FSTL5: variants seen among roughly 807,000 people sequenced by gnomAD.
FSTL5 encodes follistatin like 5, also known as follistatin-related protein 5.
A neutral mutation model predicts 89.1 loss-of-function variants in FSTL5; 62 were observed. The observed-to-expected ratio is 0.70, with a 90% CI of 0.57 to 0.86. The LOEUF is 0.86. Among genes scored for constraint, FSTL5 ranks in the 40% least tolerant of loss-of-function variants. FSTL5 has a pLI of 0.00. For missense variants in FSTL5, 1,057 were observed against 1,001.6 expected (o/e 1.06, Z -0.75); for synonymous variants, 383 against 346.2 (o/e 1.11, Z -1.18).
At chr4:161,413,263 AAAAAAAAAAAAAAAAAAAAAT>A (rs1456648669) in intron 15 of FSTL5, among the ~76,000 whole-genome samples, 1 of 26,012 alleles carries the variant, frequency 3.8e-5, no homozygotes, top group Non-Finnish European at 9.4e-5. Flanking sequence ...TCAAAAAAAA[AAAAAAAAAAAAAAAAAAAAAT>A]AAAGACACAC....
intron 15 of FSTL5, among the ~76,000 whole-genome samples, chr4:161,399,447 A>G (rs2110900397): frequency 6.6e-6 from 1 of 152,262 alleles, no homozygotes; most frequent in Admixed American, 6.5e-5. Context: ...GTACTGTACT[A>G]TATTTTTCAT....
At chr4:161,489,830 C>A (rs1729801883) in intron 12 of FSTL5, among the ~76,000 whole-genome samples, 1 of 152,068 alleles carries the variant, frequency 6.6e-6, no homozygotes. Flanking sequence ...AGATATTCAA[C>A]CTTTTCATTA....
Position 161,476,218 on chromosome 4 carries a change from G to C in FSTL5, c.1608+4802C>G, listed in dbSNP as rs1330851296. Among the ~76,000 whole-genome samples the C allele has an allele frequency of 1.4e-3, 65 of 46,120 alleles. 1 individual carries two copies. The highest frequency in any genetic ancestry group is 4.3e-4 in the Non-Finnish European group (10 of 23,210). 30.3% of individuals were successfully genotyped at this position (46,120 alleles called of 152,430 possible). On this transcript the variant is annotated intron_variant, in intron 13 of 15. Coordinates refer to ENST00000306100, the MANE Select transcript of FSTL5 (RefSeq NM_020116.5). ...GTTTGTTTTTTTGAGAAAGAGTTTT[G>C]CTCTTGTTGCCCAGGCTGGAGTGCA... is the stretch of plus-strand genomic sequence containing the variant.
At chr4:161,926,902 G>T (rs1212293149) in intron 3 of FSTL5, among the ~76,000 whole-genome samples, 1 of 151,772 alleles carries the variant, frequency 6.6e-6, no homozygotes, top group Admixed American at 6.6e-5. Flanking sequence ...AAATTTCACT[G>T]TTTCCCTTAG....
In FSTL5 at chr4:161,406,974, C is replaced by T. The variant is rs367979220; in HGVS notation, c.1842-20525G>A. On this transcript the variant is annotated intron_variant, in intron 15 of 15. Transcript: ENST00000306100. ...TTTATATTCACTGTTTTTTATATGTCTAATGTCATTTTTGTTCCTCCTTTC... is the reference window on the plus strand; with the variant it reads ...TTTATATTCACTGTTTTTTATATGTTTAATGTCATTTTTGTTCCTCCTTTC... Among the ~76,000 whole-genome samples, 5 of 152,108 alleles carry T rather than the reference C, an allele frequency of 3.3e-5. No individual in the cohort carries two copies. The East Asian group carries it at 7.7e-4, about 24-fold the overall frequency.
At chr4:161,567,138 C>T (rs1732845694) in intron 8 of FSTL5, among the ~76,000 whole-genome samples, 1 of 151,934 alleles carries the variant, frequency 6.6e-6, no homozygotes, top group Non-Finnish European at 1.5e-5. Flanking sequence ...TTAGAAATGT[C>T]ATTGTACTAT....
At chr4:161,511,986 G>A (rs1241161610) in intron 10 of FSTL5, among the ~76,000 whole-genome samples, 1 of 151,930 alleles carries the variant, frequency 6.6e-6, no homozygotes, top group East Asian at 1.9e-4. Flanking sequence ...ATATGTTCAA[G>A]GTATATCAAC....
rs1237023646 is a variant in FSTL5 at position 162,058,465 on chromosome 4, C to T, written c.127-24807G>A. 3.1e-5 allele frequency among the ~76,000 whole-genome samples: 4 copies of T among 130,362 alleles called. No homozygotes were observed. The Admixed American group carries it at 3.6e-4, about 12-fold the overall frequency. The allele number at this position is 130,362 out of a possible 152,430, so 85.5% of individuals were successfully genotyped here. A position where few individuals can be genotyped will look rare whatever the true frequency, so the allele number is the denominator to read the frequency against. On this transcript the variant is annotated intron_variant, in intron 2 of 15. Transcript: ENST00000306100. ...TTTTTGAGACAGGGTCTCGCTCTGT[C>T]CCCCAGGCTAGAGTGCAGAGGCATG...
At chr4:161,700,574 CTA>C (rs541817372) in intron 6 of FSTL5, among the ~76,000 whole-genome samples, 109 of 151,646 alleles carry the variant, frequency 7.2e-4, no homozygotes, top group African/African-American at 1.9e-3. Context: ...TGAGGTTTTG[CTA>C]TGTTTGCCCA....
At chr4:161,604,548 C>T (rs990155067) in intron 7 of FSTL5, among the ~76,000 whole-genome samples, 1 of 152,168 alleles carries the variant, frequency 6.6e-6, no homozygotes, top group Non-Finnish European at 1.5e-5. Context: ...ACAGGCTCTT[C>T]TCTAGCACTA....
intron 6 of FSTL5, among the ~76,000 whole-genome samples, chr4:161,708,891 A>C (rs563096808): frequency 6.6e-6 from 1 of 152,306 alleles, no homozygotes; most frequent in African/African-American, 2.4e-5. Flanking sequence ...AAACAGTCCA[A>C]TAATATACAA....
intron 7 of FSTL5, among the ~76,000 whole-genome samples, chr4:161,618,981 C>T (rs1250117855): frequency 6.6e-6 from 1 of 152,092 alleles, no homozygotes; most frequent in Admixed American, 6.6e-5. Context: ...GGTACTGGTA[C>T]CAAAACAGAG....
chr4:161,852,931 C>T (rs912443052), intron 4 of FSTL5, among the ~76,000 whole-genome samples: 10 of 152,218 alleles, frequency 6.6e-5, no homozygotes, highest in African/African-American at 2.2e-4. Context: ...CAGCAAACCA[C>T]GATGGCACAC....
At chr4:161,447,874 A>ATAC (rs1400504358) in intron 15 of FSTL5, among the ~76,000 whole-genome samples, 1 of 152,144 alleles carries the variant, frequency 6.6e-6, no homozygotes, top group Admixed American at 6.6e-5. Flanking sequence ...ATATAAAAGT[A>ATAC]TACGTATATA....
chr4:161,609,872 T>G (rs2126634078), intron 7 of FSTL5, among the ~76,000 whole-genome samples: 1 of 152,276 alleles, frequency 6.6e-6, no homozygotes, highest in East Asian at 1.9e-4. Flanking sequence ...GACTGTTTGC[T>G]ACACATATAT....
chr4:162,068,226 G>C (rs1729426735), intron 2 of FSTL5, among the ~76,000 whole-genome samples: 1 of 151,940 alleles, frequency 6.6e-6, no homozygotes, highest in Admixed American at 6.6e-5. Flanking sequence ...GGAACCAAAA[G>C]AGAGCCCATA....
intron 1 of FSTL5, among the ~76,000 whole-genome samples, chr4:162,119,886 G>A (rs1180353131): frequency 6.6e-6 from 1 of 151,784 alleles, no homozygotes; most frequent in Non-Finnish European, 1.5e-5. Flanking sequence ...TGTCTTATTG[G>A]TCCATACTGT....
At chr4:162,118,275 T>G (rs1259579730) in intron 1 of FSTL5, among the ~76,000 whole-genome samples, 1 of 152,180 alleles carries the variant, frequency 6.6e-6, no homozygotes. Flanking sequence ...AGTCTTTTTT[T>G]TTTTTGACGG....
At position 161,542,679 on chromosome 4, in the gene FSTL5, G is replaced by A. The variant is rs1184599784; in HGVS notation, c.1030C>T (p.Arg344Trp). The A allele has an allele frequency of 8.2e-6, 12 of 1,472,156 alleles. No individual in the cohort carries two copies. Among genetic ancestry groups the A allele is most frequent in the East Asian group, 5.1e-5 (2 of 39,336 alleles). The allele number at this position is 1,472,156 out of a possible 1,614,324, so 91.2% of individuals were successfully genotyped here. Residue 344 changes from arginine (R) to tryptophan (W), a missense_variant, in exon 9 of 16, where the codon CGG becomes TGG. Physicochemically the swap from Arg to Trp is moderately radical, Grantham distance 101. Transcript: ENST00000306100. The stretch of plus-strand genomic sequence containing the variant: ...CTAGCCTGACTCTCTGGATACACCC[G>A]GATGACTGGAGGAACTAAAGGAAAA... ...IFQVNVPPVIRVYPESQAREP... is the reference protein window; with the variant it reads ...IFQVNVPPVIWVYPESQAREP...
Sources: gnomAD v4.1 joint callset for allele counts (sites outside exome capture counted in the v4.1 genomes callset) on GRCh38, gnomAD v4.1.1 for gene constraint, MANE v1.5 for transcripts, NCBI Gene and HGNC (gene_info 2026-07-23, HGNC 2026-07-21) for gene names.